The following NBEA variants were observed in gnomAD, a reference collection of about 807,000 sequenced individuals.
NBEA encodes neurobeachin, also known as lysosomal-trafficking regulator 2.
Under a neutral mutation model 343.4 loss-of-function variants are expected in NBEA, and 44 were observed. The ratio of observed to expected loss-of-function variants is 0.13; its 90% CI spans 0.10 to 0.16. The LOEUF is 0.16. NBEA is among the 10% of genes least tolerant of loss of function. The pLI is 1.00. For synonymous variants in NBEA, 1,175 were observed against 1,238.7 expected, an observed-to-expected ratio of 0.95 and a Z score of 1.08; for missense variants, 2,555 against 3,631.3, an observed-to-expected ratio of 0.70 and a Z score of 7.62.
chr13:35,055,105 A>G (rs1251904996), intron 6 of NBEA, among the ~76,000 whole-genome samples: 1 of 152,178 alleles, frequency 6.6e-6, no homozygotes, highest in East Asian at 1.9e-4. Flanking sequence ...TAATCTGTAG[A>G]ACAAAGTTTG....
At chr13:35,637,545 C>T (rs771317514) in intron 49 of NBEA, among the ~76,000 whole-genome samples, 6 of 152,096 alleles carry the variant, frequency 3.9e-5, no homozygotes, top group Non-Finnish European at 8.8e-5. Context: ...AAGTCGAGGC[C>T]AGGCGCAGTG....
At position 35,085,264 on chromosome 13, in the gene NBEA, G is replaced by A. The variant is rs2152614848; in HGVS notation, c.1572-13033G>A. Among the ~76,000 whole-genome samples, 3 of 152,144 alleles carry A rather than the reference G, an allele frequency of 2.0e-5. No individual in the cohort carries two copies. The South Asian group carries it at 6.2e-4, about 32-fold the overall frequency. On this transcript the variant is annotated intron_variant, in intron 10 of 58. Coordinates refer to ENST00000379939, the MANE Select transcript of NBEA (RefSeq NM_001385012.1). ...CAGCATCATCCTGATACCAAAGCCT[G>A]GCAGAGACACAACCAAAAAAGAGAA... is the stretch of plus-strand genomic sequence containing the variant.
chr13:35,290,504 A>G (rs1219211599), intron 35 of NBEA, 54 bp downstream of exon 35: 5 of 1,270,764 alleles, frequency 3.9e-6, no homozygotes, highest in Non-Finnish European at 4.6e-6. Context: ...TTTTGTGACT[A>G]ATAATAAAAA....
intron 26 of NBEA, among the ~76,000 whole-genome samples, chr13:35,171,866 A>G (rs188222566): frequency 1.1e-4 from 16 of 152,206 alleles, no homozygotes; most frequent in Middle Eastern, 3.4e-3. Flanking sequence ...AAAATAAACT[A>G]TCCCAATCTT....
chr13:35,502,145 C>G (rs1243802385), intron 41 of NBEA, among the ~76,000 whole-genome samples: 2 of 152,012 alleles, frequency 1.3e-5, no homozygotes, highest in African/African-American at 4.8e-5. Flanking sequence ...TGAATGTGCT[C>G]TTATTGGGGA....
chr13:35,323,829 A>G (rs1018773693), intron 36 of NBEA, among the ~76,000 whole-genome samples: 2 of 152,136 alleles, frequency 1.3e-5, no homozygotes, highest in African/African-American at 4.8e-5. Flanking sequence ...AAGAAACATA[A>G]CAATTTAAAA....
At chr13:35,559,037 C>T (rs866647793) in intron 44 of NBEA, among the ~76,000 whole-genome samples, 5 of 152,126 alleles carry the variant, frequency 3.3e-5, no homozygotes, top group South Asian at 4.2e-4. Context: ...GGTACTCTCC[C>T]TGGATATATT....
chr13:35,374,464 A>G lies in NBEA; in HGVS notation c.6179+22141A>G, dbSNP rs896793834. 2.0e-5 allele frequency among the ~76,000 whole-genome samples: 3 copies of G among 152,218 alleles called. No homozygotes were observed. The East Asian group carries it at 5.8e-4, about 29-fold the overall frequency. On this transcript the variant is annotated intron_variant, in intron 38 of 58. Coordinates refer to ENST00000379939, the MANE Select transcript of NBEA (RefSeq NM_001385012.1). ...AGACATTAAATGAGCACGTGGCACC[A>G]AGAGAGTTGCTTGATACAGGGTTGT...
intron 1 of NBEA, among the ~76,000 whole-genome samples, chr13:34,970,556 T>A (rs966494616): frequency 6.6e-6 from 1 of 152,224 alleles, no homozygotes; most frequent in Non-Finnish European, 1.5e-5. Flanking sequence ...TTTATTTTTG[T>A]ATATGGTAAA....
At chr13:35,590,951 T>G (rs1025501525) in intron 46 of NBEA, among the ~76,000 whole-genome samples, 6 of 152,130 alleles carry the variant, frequency 3.9e-5, no homozygotes, top group Admixed American at 1.3e-4. Context: ...TGTGCTGTGC[T>G]TGGGGCTGGG....
At chr13:35,602,155 C>T (rs1011178837) in intron 47 of NBEA, among the ~76,000 whole-genome samples, 29 of 152,192 alleles carry the variant, frequency 1.9e-4, no homozygotes, top group Non-Finnish European at 5.9e-5. Context: ...TTGCCATCTT[C>T]TTGCACATAA....
intron 36 of NBEA, among the ~76,000 whole-genome samples, chr13:35,318,496 C>T (rs920531774): frequency 6.6e-6 from 1 of 151,954 alleles, no homozygotes; most frequent in Non-Finnish European, 1.5e-5. Context: ...TGTTGGATTC[C>T]GTTTGCCAGT....
intron 45 of NBEA, among the ~76,000 whole-genome samples, chr13:35,569,322 A>G (rs2080285223): frequency 6.6e-6 from 1 of 152,206 alleles, no homozygotes. Flanking sequence ...GTCTGCATGT[A>G]TTTTATTTAA....
chr13:35,063,503 TG>T (rs2063539215), intron 8 of NBEA, among the ~76,000 whole-genome samples: 1 of 152,036 alleles, frequency 6.6e-6, no homozygotes, highest in African/African-American at 2.4e-5. Flanking sequence ...AAGAACATTG[TG>T]ACTGTTTTCC....
chr13:35,153,999 A>G (rs2068977069), intron 18 of NBEA, among the ~76,000 whole-genome samples: 1 of 152,162 alleles, frequency 6.6e-6, no homozygotes, highest in African/African-American at 2.4e-5. Flanking sequence ...ACTCCGTTTG[A>G]TTAGGAGTGC....
chr13:35,215,378 T>C (rs1245038396), intron 33 of NBEA, among the ~76,000 whole-genome samples: 1 of 151,758 alleles, frequency 6.6e-6, no homozygotes, highest in Admixed American at 6.6e-5. Flanking sequence ...TATGTTTTTC[T>C]AAATTTTCAT....
chr13:35,223,757 G>GAATA (rs1415907329), intron 33 of NBEA, among the ~76,000 whole-genome samples: 1 of 152,116 alleles, frequency 6.6e-6, no homozygotes, highest in Non-Finnish European at 1.5e-5. Context: ...TCTATTGCTA[G>GAATA]AATAACACGT....
chr13:35,651,768 T>G, intron 52 of NBEA, 37 bp from the exon 53 acceptor site: 2 of 1,274,762 alleles, frequency 1.6e-6, no homozygotes, highest in Non-Finnish European at 1.1e-6. Flanking sequence ...TTTCTGAGAA[T>G]TTTATGTTAG....
chr13:35,026,748 C>A (rs2062032421), intron 1 of NBEA, among the ~76,000 whole-genome samples: 1 of 151,892 alleles, frequency 6.6e-6, no homozygotes, highest in Non-Finnish European at 1.5e-5. Flanking sequence ...ATTTAAAAAT[C>A]AAAAGAAACA....
Sources: gnomAD v4.1 joint callset for allele counts (sites outside exome capture counted in the v4.1 genomes callset) on GRCh38, gnomAD v4.1.1 for gene constraint, MANE v1.5 for transcripts, NCBI Gene and HGNC (gene_info 2026-07-23, HGNC 2026-07-21) for gene names.